USP12: variants seen among roughly 807,000 people sequenced by gnomAD.
USP12 encodes ubiquitin specific peptidase 12.
A neutral mutation model predicts 45.5 loss-of-function variants in USP12; 19 were observed. That is an observed-to-expected ratio of 0.42 (90% CI 0.29 to 0.61). The LOEUF is 0.61. Among genes scored for constraint, USP12 ranks in the 20% least tolerant of loss-of-function variants. USP12 has a pLI of 0.22. For missense variants in USP12, 242 were observed against 447.7 expected (o/e 0.54, Z 4.15); for synonymous variants, 149 against 148.8 (o/e 1.00, Z -0.01).
chr13:27,127,887 A>G (rs1186784908), intron 1 of USP12, among the ~76,000 whole-genome samples: 1 of 152,250 alleles, frequency 6.6e-6, no homozygotes. Context: ...ATCTGAATCA[A>G]TATTATAATT....
intron 1 of USP12, among the ~76,000 whole-genome samples, chr13:27,164,021 T>C (rs905269632): frequency 2.6e-5 from 4 of 151,678 alleles, no homozygotes; most frequent in Non-Finnish European, 4.4e-5. Context: ...CAGCACGATA[T>C]AATGTAGGTC....
At position 27,075,297 on chromosome 13, in the gene USP12, AAG is replaced by A; in HGVS notation, c.824_825del (p.Ser275LeufsTer13). On this transcript the variant is annotated frameshift_variant, in exon 7 of 9. Coordinates refer to ENST00000282344, the MANE Select transcript of USP12 (RefSeq NM_182488.4). LOFTEE classifies it high-confidence loss of function. ...MDQLHRYTKL[S>X]YRVVFPLELR... is the part of the protein sequence containing the mutation. ...AGTTCTAAAGGAAAAACTACCCGGT[AAG>A]AGAGTTTTGTATATCGATGAAGTTG... 1 of 1,614,140 alleles carries A rather than the reference AAG, an allele frequency of 6.2e-7. No individual in the cohort carries two copies.
intron 2 of USP12, among the ~76,000 whole-genome samples, chr13:27,109,664 T>C (rs1875325631): frequency 6.6e-6 from 1 of 152,058 alleles, no homozygotes; most frequent in Non-Finnish European, 1.5e-5. Flanking sequence ...AAGCCTGTAA[T>C]CCCAGCACTT....
At chr13:27,106,074 T>G in intron 2 of USP12, 130 bp from the exon 3 acceptor site, 1 of 749,992 alleles carries the variant, frequency 1.3e-6, no homozygotes. Flanking sequence ...ACTGACTGCA[T>G]TATATTATAC....
intron 3 of USP12, 22 bp from the exon 4 acceptor site, chr13:27,095,852 T>C (rs759876954): frequency 6.6e-7 from 1 of 1,524,334 alleles, no homozygotes; most frequent in South Asian, 1.3e-5. Context: ...AACATTATAT[T>C]AGAGAATTAT....
intron 2 of USP12, among the ~76,000 whole-genome samples, chr13:27,111,362 T>C (rs1221371923): frequency 6.6e-6 from 1 of 152,226 alleles, no homozygotes; most frequent in Non-Finnish European, 1.5e-5. Context: ...ATTTTCTCTA[T>C]ATTCTTGTTT....
At position 27,084,678 on chromosome 13, in the gene USP12, A is replaced by C. The variant is rs182686000; in HGVS notation, c.734+5205T>G. Among the ~76,000 whole-genome samples, 481 of 152,152 alleles carry C rather than the reference A, an allele frequency of 3.2e-3. 2 individuals are homozygous for C. The highest frequency in any genetic ancestry group is 4.6e-3 in the Non-Finnish European group (314 of 68,008). On this transcript the variant is annotated intron_variant, in intron 6 of 8. Coordinates refer to ENST00000282344, the MANE Select transcript of USP12 (RefSeq NM_182488.4). Reference sequence around the variant, plus strand: ...TTCCCACTATGTATTCATTCTTAGCACCCTTGATGAAGATCAGTTGCCTGT... The same window carrying C: ...TTCCCACTATGTATTCATTCTTAGCCCCCTTGATGAAGATCAGTTGCCTGT...
At chr13:27,151,054 C>A (rs530493737) in intron 1 of USP12, among the ~76,000 whole-genome samples, 1 of 152,094 alleles carries the variant, frequency 6.6e-6, no homozygotes, top group African/African-American at 2.4e-5. Flanking sequence ...TCAGGCCAGA[C>A]GCTGTGGCTC....
At chr13:27,098,391 GA>G (rs1328158250) in intron 3 of USP12, among the ~76,000 whole-genome samples, 14 of 149,962 alleles carry the variant, frequency 9.3e-5, no homozygotes, top group Admixed American at 4.6e-4. Flanking sequence ...TACAAAACAA[GA>G]AAAAAAATTT....
In USP12 at chr13:27,107,716, G is replaced by A. The variant is rs140549287; in HGVS notation, c.130-1772C>T. Among the ~76,000 whole-genome samples the A allele has an allele frequency of 7.7e-4, 118 of 152,272 alleles. 1 individual carries two copies. The East Asian group carries it at 0.017, about 22-fold the overall frequency. On this transcript the variant is annotated intron_variant, in intron 2 of 8. Coordinates refer to ENST00000282344, the MANE Select transcript of USP12 (RefSeq NM_182488.4). ...AAGATATGGCTGATACAAGATCTGC[G>A]ATAAGAAATGTACAATGTGCCTTCT... is the stretch of plus-strand genomic sequence containing the variant.
chr13:27,070,562 T>A (rs1873201894), intron 8 of USP12, among the ~76,000 whole-genome samples: 1 of 151,982 alleles, frequency 6.6e-6, no homozygotes, highest in Non-Finnish European at 1.5e-5. Context: ...TTATTCTTTT[T>A]TTTTTTTTTG....
intron 6 of USP12, among the ~76,000 whole-genome samples, chr13:27,080,818 G>A (rs935965786): frequency 2.6e-5 from 4 of 152,146 alleles, no homozygotes; most frequent in Non-Finnish European, 4.4e-5. Context: ...CTATACTGTA[G>A]TGTATTATGT....
intron 6 of USP12, among the ~76,000 whole-genome samples, chr13:27,079,439 T>C (rs1204344967): frequency 6.6e-6 from 1 of 152,172 alleles, no homozygotes; most frequent in Non-Finnish European, 1.5e-5. Flanking sequence ...AGAAACTCCC[T>C]TCTCCAGTAG....
At chr13:27,094,967 G>GT (rs80255461) in intron 4 of USP12, among the ~76,000 whole-genome samples, 42,345 of 151,954 alleles carry the variant, frequency 0.28, 6,489 homozygotes, top group Non-Finnish European at 0.35. Flanking sequence ...GAGCAACACA[G>GT]TAAGACCCCT....
intron 3 of USP12, among the ~76,000 whole-genome samples, chr13:27,098,423 T>C (rs1874701026): frequency 6.7e-6 from 1 of 149,218 alleles, no homozygotes; most frequent in Non-Finnish European, 1.5e-5. Context: ...CAAAGGAAAA[T>C]AGCCAATTCA....
Position 27,110,615 on chromosome 13 carries a change from G to A in USP12, c.130-4671C>T, listed in dbSNP as rs17085198. 9.8e-3 allele frequency among the ~76,000 whole-genome samples: 1,495 copies of A among 152,186 alleles called. 30 individuals carry two copies. Among genetic ancestry groups the A allele is most frequent in the African/African-American group, 0.034 (1,414 of 41,480 alleles). The stretch of plus-strand genomic sequence containing the variant: ...AAGCACTGGTTTCAGAAAAAGAGGC[G>A]CTTAAGCTTAAGAGGTATGTGATTA... On this transcript the variant is annotated intron_variant, in intron 2 of 8. Transcript: ENST00000282344.
intron 1 of USP12, among the ~76,000 whole-genome samples, chr13:27,168,685 AAACAT>A (rs1412767578): frequency 6.6e-6 from 1 of 152,204 alleles, no homozygotes; most frequent in Non-Finnish European, 1.5e-5. Context: ...ACTGCAATCT[AAACAT>A]AATCACTCAT....
intron 2 of USP12, among the ~76,000 whole-genome samples, chr13:27,116,087 C>T (rs898463853): frequency 9.9e-5 from 15 of 151,848 alleles, no homozygotes; most frequent in Middle Eastern, 3.2e-3. Context: ...CTGAGGTTGG[C>T]GGATCATGAG....
chr13:27,104,447 A>G (rs1170411571), intron 3 of USP12, among the ~76,000 whole-genome samples: 1 of 152,216 alleles, frequency 6.6e-6, no homozygotes, highest in East Asian at 1.9e-4. Flanking sequence ...GACACACACA[A>G]AAAGACTGAG....
Sources: allele counts gnomAD v4.1 joint callset (sites outside exome capture counted in the v4.1 genomes callset), GRCh38; gene constraint gnomAD v4.1.1; transcripts MANE v1.5; gene names NCBI Gene and HGNC (gene_info 2026-07-23, HGNC 2026-07-21).